The following ATCAY variants were observed in gnomAD, a reference collection of about 807,000 sequenced individuals.
ATCAY encodes the protein ATCAY kinesin light chain interacting caytaxin, also known as caytaxin.
A neutral mutation model predicts 47.7 loss-of-function variants in ATCAY; 22 were observed. The observed-to-expected ratio is 0.46, with a 90% CI of 0.33 to 0.66. The LOEUF (loss-of-function observed/expected upper bound fraction) is 0.66. Ranked by LOEUF, ATCAY falls within the 30% of genes least tolerant of loss-of-function variation. ATCAY has a pLI of 0.02. For synonymous variants in ATCAY, 216 were observed against 207.6 expected (o/e 1.04, Z -0.35); for missense variants, 452 against 515.0 (o/e 0.88, Z 1.18).
Position 3,907,719 on chromosome 19 carries a change from G to C in ATCAY, c.359-15G>C, listed in dbSNP as rs200944925. ...GACTCTGGCGTCCATGCGACTCTCC[G>C]CCACCTGCTTCTAGACGACACCCCC... On this transcript the variant is annotated splice_polypyrimidine_tract_variant and intron_variant, in intron 4 of 12. Coordinates refer to ENST00000450849, the MANE Select transcript of ATCAY (RefSeq NM_033064.5). The surrounding 1 kb of genome is among the most constrained non-coding windows in gnomAD (Gnocchi z 5.1). 1.2e-6 allele frequency: 2 copies of C among 1,613,606 alleles called. No homozygotes were observed. The highest frequency in any genetic ancestry group is 1.7e-6 in the Non-Finnish European group (2 of 1,179,798).
intron 2 of ATCAY, among the ~76,000 whole-genome samples, chr19:3,897,305 A>C (rs1219563635): frequency 4.0e-5 from 6 of 149,748 alleles, no homozygotes; most frequent in Non-Finnish European, 8.9e-5. Context: ...ATCTATATCT[A>C]TATCTATATC....
chr19:3,884,157 C>G (rs1215081063), intron 1 of ATCAY, among the ~76,000 whole-genome samples: 2 of 152,036 alleles, frequency 1.3e-5, no homozygotes, highest in African/African-American at 2.4e-5. Context: ...CATGATGGCA[C>G]ACACTCGTGG....
chr19:3,901,975 G>A (rs2038819632), intron 2 of ATCAY, among the ~76,000 whole-genome samples: 1 of 152,074 alleles, frequency 6.6e-6, no homozygotes, highest in South Asian at 2.1e-4. Context: ...CATCCAGCCT[G>A]GGCGACAGAG....
chr19:3,893,896 GCT>G (rs2038741683), intron 2 of ATCAY, among the ~76,000 whole-genome samples: 1 of 149,686 alleles, frequency 6.7e-6, no homozygotes, highest in African/African-American at 2.5e-5. Context: ...CTCCCCCACT[GCT>G]CTCTCTGCGC....
intron 2 of ATCAY, among the ~76,000 whole-genome samples, chr19:3,894,841 C>T (rs2038752950): frequency 6.7e-6 from 1 of 148,380 alleles, no homozygotes; most frequent in African/African-American, 2.5e-5. Flanking sequence ...CCCAGCTACT[C>T]AGAAGACTGA....
chr19:3,921,554 G>A (rs1477262076), intron 12 of ATCAY, among the ~76,000 whole-genome samples: 1 of 152,162 alleles, frequency 6.6e-6, no homozygotes, highest in Non-Finnish European at 1.5e-5. Context: ...CATACTCACA[G>A]TTATGGTTTA....
Position 3,905,649 on chromosome 19 carries a change from T to C in ATCAY, c.352T>C (p.Trp118Arg). Residue 118 changes from tryptophan (W) to arginine (R), a missense_variant, in exon 4 of 13, where the codon TGG (tryptophan) becomes CGG (arginine). By Grantham distance (101) the Trp-to-Arg change is moderately radical (BLOSUM62 -3). Coordinates refer to ENST00000450849, the MANE Select transcript of ATCAY (RefSeq NM_033064.5). ...CCTGGGGAATGGCAACGAACTGGAGTGGGAAGGTAAAGTTCAGGGTCTCTC... is the reference window on the plus strand; with the variant it reads ...CCTGGGGAATGGCAACGAACTGGAGCGGGAAGGTAAAGTTCAGGGTCTCTC... ...EFLGNGNELE[W>R]EDDTPVATAK... 1 of 1,610,570 alleles carries C rather than the reference T, an allele frequency of 6.2e-7. No homozygotes were observed. Among genetic ancestry groups the C allele is most frequent in the Non-Finnish European group, 8.5e-7 (1 of 1,178,904 alleles).
chr19:3,887,728 C>G (rs571205336), intron 2 of ATCAY, among the ~76,000 whole-genome samples: 1 of 150,680 alleles, frequency 6.6e-6, no homozygotes, highest in South Asian at 2.1e-4. Context: ...CCTCGTGATC[C>G]GCCCACCTCG....
At chr19:3,888,351 C>T (rs1034964329) in intron 2 of ATCAY, among the ~76,000 whole-genome samples, 3 of 152,068 alleles carry the variant, frequency 2.0e-5, no homozygotes, top group Non-Finnish European at 2.9e-5. Flanking sequence ...ATCTCCAGGC[C>T]GCGCACAGTG....
rs1377910948 is a variant in ATCAY at position 3,927,482 on chromosome 19, G to A, written c.*2890G>A. 1 of 152,206 alleles carries A rather than the reference G, an allele frequency of 6.6e-6. No individual in the cohort carries two copies. The highest frequency in any genetic ancestry group is 2.1e-4 in the South Asian group (1 of 4,832). The allele number at this position is 152,206 out of a possible 1,614,324, so 9.4% of individuals were successfully genotyped here. ...CCACCCAATCGGACACCTAATAATTGAGTGTCTACAGCAGCAATCAAGTGA... is the reference window on the plus strand; with the variant it reads ...CCACCCAATCGGACACCTAATAATTAAGTGTCTACAGCAGCAATCAAGTGA... On this transcript the variant is annotated 3_prime_UTR_variant, in exon 13 of 13. Transcript: ENST00000450849.
At chr19:3,892,560 A>G (rs1299643353) in intron 2 of ATCAY, among the ~76,000 whole-genome samples, 1 of 152,212 alleles carries the variant, frequency 6.6e-6, no homozygotes, top group African/African-American at 2.4e-5. Context: ...GAATATCTGC[A>G]TACCTTTAGT....
intron 9 of ATCAY, 24 bp downstream of exon 9, chr19:3,913,880 C>G (rs753748684): frequency 1.3e-5 from 20 of 1,584,566 alleles, no homozygotes; most frequent in African/African-American, 2.7e-5. Flanking sequence ...CAGTCCACCC[C>G]GCCGTATTAG....
intron 9 of ATCAY, among the ~76,000 whole-genome samples, chr19:3,914,878 A>AC (rs1196095679): frequency 2.7e-5 from 4 of 149,250 alleles, no homozygotes; most frequent in African/African-American, 4.9e-5. Flanking sequence ...CACCCCCAAC[A>AC]CCCCCCCACC....
At chr19:3,916,007 A>G (rs894750667) in intron 9 of ATCAY, among the ~76,000 whole-genome samples, 12 of 151,906 alleles carry the variant, frequency 7.9e-5, no homozygotes, top group African/African-American at 2.9e-4. Context: ...GAACGTTCTC[A>G]TCTTCCCAAA....
At position 3,918,796 on chromosome 19, in the gene ATCAY, C is replaced by G; in HGVS notation, c.1002-10C>G. On this transcript the variant is annotated splice_polypyrimidine_tract_variant and intron_variant, in intron 10 of 12. Transcript: ENST00000450849. ...AGTCACCCTTGTCACCTCGTTCTCT[C>G]TGTCCACAGCGCGAGGCCCCAGCCG... 6.2e-7 allele frequency: 1 copy of G among 1,613,902 alleles called. No homozygotes were observed. Among genetic ancestry groups the G allele is most frequent in the Non-Finnish European group, 8.5e-7 (1 of 1,179,810 alleles).
rs1350554904 is a variant in ATCAY, at chr19:3,907,282, A to G, written c.359-452A>G. Among the ~76,000 whole-genome samples the G allele has an allele frequency of 3.3e-5, 5 of 152,026 alleles. No individual in the cohort carries two copies. Among genetic ancestry groups the G allele is most frequent in the African/African-American group, 1.2e-4 (5 of 41,396 alleles). ...CAACATATTGAAACCCCATCTCTAC[A>G]AAAATATAAAAATTAGCTGGGTGTG... is the stretch of plus-strand genomic sequence containing the variant. On this transcript the variant is annotated intron_variant, in intron 4 of 12. Transcript: ENST00000450849. This position sits in a 1 kb window ranked among gnomAD's most constrained non-coding sequence, Gnocchi z 5.1.
intron 2 of ATCAY, among the ~76,000 whole-genome samples, chr19:3,899,343 T>A (rs2038795825): frequency 7.4e-6 from 1 of 135,294 alleles, no homozygotes; most frequent in Non-Finnish European, 1.5e-5. Flanking sequence ...AGAGAGAGTC[T>A]CACTTTGTTG....
intron 12 of ATCAY, among the ~76,000 whole-genome samples, chr19:3,923,959 A>AGTGG (rs2039042993): frequency 1.8e-5 from 1 of 54,496 alleles, no homozygotes; most frequent in Admixed American, 2.1e-4. Context: ...TAGATGGATG[A>AGTGG]GTGGGTGGGT....
intron 2 of ATCAY, among the ~76,000 whole-genome samples, chr19:3,893,098 A>G (rs1420930015): frequency 1.3e-5 from 2 of 150,788 alleles, no homozygotes; most frequent in Non-Finnish European, 2.9e-5. Context: ...TATCTCTTTT[A>G]GGGGAACACG....
Sources: gnomAD v4.1 joint callset for allele counts (sites outside exome capture counted in the v4.1 genomes callset) on GRCh38, gnomAD v4.1.1 for gene constraint, Gnocchi (gnomAD v3.1) non-coding constraint, MANE v1.5 for transcripts, NCBI Gene and HGNC (gene_info 2026-07-23, HGNC 2026-07-21) for gene names.